GPC5: variants seen among roughly 807,000 people sequenced by gnomAD.
GPC5 encodes the protein glypican 5.
GPC5 carries 47 observed loss-of-function variants against 53.9 expected under a neutral mutation model. The observed-to-expected ratio is 0.87, with a 90% CI of 0.69 to 1.11. The LOEUF (loss-of-function observed/expected upper bound fraction) is 1.11. Ranked by LOEUF, GPC5 falls within the 50% of genes most tolerant of loss-of-function variation. The pLI is 0.00. For missense variants in GPC5, 748 were observed against 713.1 expected (o/e 1.05, Z -0.56); for synonymous variants, 286 against 263.3 (o/e 1.09, Z -0.84).
intron 2 of GPC5, among the ~76,000 whole-genome samples, chr13:91,581,231 T>G (rs1443026197): frequency 6.6e-6 from 1 of 152,194 alleles, no homozygotes; most frequent in African/African-American, 2.4e-5. Flanking sequence ...CAGTTTTTAC[T>G]ATGTAGTATA....
At chr13:92,143,559 C>T (rs1162984517) in intron 6 of GPC5, among the ~76,000 whole-genome samples, 1 of 152,018 alleles carries the variant, frequency 6.6e-6, no homozygotes, top group Non-Finnish European at 1.5e-5. Flanking sequence ...TTTAATGCCA[C>T]CTATTGACTT....
intron 5 of GPC5, among the ~76,000 whole-genome samples, chr13:91,886,538 C>T (rs1042040060): frequency 1.3e-5 from 2 of 152,186 alleles, no homozygotes; most frequent in South Asian, 2.1e-4. Flanking sequence ...TCCAAAGTCT[C>T]ATCTGAGACA....
intron 2 of GPC5, among the ~76,000 whole-genome samples, chr13:91,500,036 T>C (rs1030760403): frequency 6.6e-6 from 1 of 152,198 alleles, no homozygotes; most frequent in Admixed American, 6.5e-5. Context: ...AGGTATCCCC[T>C]TGGACCATGC....
chr13:91,657,990 C>T (rs1423449229), intron 2 of GPC5, among the ~76,000 whole-genome samples: 1 of 152,088 alleles, frequency 6.6e-6, no homozygotes, highest in Non-Finnish European at 1.5e-5. Context: ...TGAAATTGAG[C>T]AGTGCATTAT....
intron 7 of GPC5, among the ~76,000 whole-genome samples, chr13:92,597,724 G>A (rs1412805107): frequency 6.6e-6 from 1 of 152,166 alleles, no homozygotes; most frequent in Non-Finnish European, 1.5e-5. Context: ...GGGGTCAAAA[G>A]AAGACAGAGA....
chr13:92,139,438 C>T lies in GPC5; in HGVS notation c.1402-5392C>T, dbSNP rs542997136. On this transcript the variant is annotated intron_variant, in intron 6 of 7. Coordinates refer to ENST00000377067, the MANE Select transcript of GPC5 (RefSeq NM_004466.6). ...ATCCCAGCACTTTGGGAGGCCGAGG[C>T]GGGTGGATCATGAGGTCAGGAGATC... Among the ~76,000 whole-genome samples, 297 of 152,106 alleles carry T rather than the reference C, an allele frequency of 2.0e-3. 2 individuals carry two copies. Among genetic ancestry groups the T allele is most frequent in the South Asian group, 0.014 (66 of 4,818 alleles).
intron 7 of GPC5, among the ~76,000 whole-genome samples, chr13:92,752,284 T>C (rs942189511): frequency 6.6e-6 from 1 of 152,152 alleles, no homozygotes; most frequent in Non-Finnish European, 1.5e-5. Flanking sequence ...ATCCAAAGTA[T>C]CTCCAGACAT....
At chr13:91,450,445 TA>T (rs1881103038) in intron 2 of GPC5, among the ~76,000 whole-genome samples, 1 of 151,796 alleles carries the variant, frequency 6.6e-6, no homozygotes, top group South Asian at 2.1e-4. Flanking sequence ...GTCATATGCT[TA>T]AAAAGGTGGA....
intron 7 of GPC5, among the ~76,000 whole-genome samples, chr13:92,248,492 G>A (rs1334455883): frequency 2.6e-5 from 4 of 152,080 alleles, no homozygotes; most frequent in African/African-American, 4.8e-5. Context: ...AGCCTCCAGC[G>A]TCTCAGTTTT....
intron 7 of GPC5, among the ~76,000 whole-genome samples, chr13:92,737,444 C>T (rs1377474448): frequency 2.0e-5 from 3 of 151,980 alleles, no homozygotes. Flanking sequence ...TCATTTGATC[C>T]CTTCATGTAA....
intron 5 of GPC5, among the ~76,000 whole-genome samples, chr13:91,803,113 A>T (rs999658401): frequency 1.3e-4 from 20 of 152,272 alleles, no homozygotes; most frequent in East Asian, 3.9e-4. Flanking sequence ...AACTTTTAGT[A>T]ATTATGATGG....
intron 3 of GPC5, among the ~76,000 whole-genome samples, chr13:91,694,475 T>G (rs1432531810): frequency 5.3e-5 from 8 of 152,230 alleles, no homozygotes; most frequent in Admixed American, 4.6e-4. Flanking sequence ...TAAAATGTAG[T>G]GTATACACGG....
chr13:92,398,122 A>T (rs1189833654), intron 7 of GPC5, among the ~76,000 whole-genome samples: 1 of 152,180 alleles, frequency 6.6e-6, no homozygotes, highest in Non-Finnish European at 1.5e-5. Context: ...AATCAGAAAA[A>T]GTTAAAAACA....
chr13:91,829,400 A>G (rs2038621697), intron 5 of GPC5, among the ~76,000 whole-genome samples: 1 of 152,102 alleles, frequency 6.6e-6, no homozygotes. Flanking sequence ...TGTACTGGGA[A>G]AAACTATGGA....
chr13:91,746,014 G>C (rs1260720298), intron 4 of GPC5, among the ~76,000 whole-genome samples: 1 of 152,168 alleles, frequency 6.6e-6, no homozygotes, highest in Non-Finnish European at 1.5e-5. Context: ...TTGTCAAATA[G>C]AATGACAGGT....
chr13:91,493,879 AT>A (rs200276764), intron 2 of GPC5, among the ~76,000 whole-genome samples: 2 of 150,338 alleles, frequency 1.3e-5, no homozygotes, highest in Admixed American at 6.6e-5. Context: ...GCTGCATTCT[AT>A]TTTTTTTTAT....
intron 7 of GPC5, among the ~76,000 whole-genome samples, chr13:92,652,669 T>G (rs2139168623): frequency 6.6e-6 from 1 of 152,304 alleles, no homozygotes; most frequent in South Asian, 2.1e-4. Flanking sequence ...AGTATCCTTC[T>G]TGCTAATTTC....
At chr13:92,668,428 CCTT>C (rs1318579534) in intron 7 of GPC5, among the ~76,000 whole-genome samples, 2 of 152,102 alleles carry the variant, frequency 1.3e-5, no homozygotes, top group Non-Finnish European at 2.9e-5. Context: ...AGAAGCCAAA[CCTT>C]CTCACTATTC....
intron 5 of GPC5, among the ~76,000 whole-genome samples, chr13:91,855,674 T>C (rs1457007581): frequency 6.6e-6 from 1 of 151,622 alleles, no homozygotes; most frequent in Non-Finnish European, 1.5e-5. Flanking sequence ...ATGATATATG[T>C]CTCAAGTTTC....
Sources: allele counts gnomAD v4.1 joint callset (sites outside exome capture counted in the v4.1 genomes callset), GRCh38; gene constraint gnomAD v4.1.1; transcripts MANE v1.5; gene names NCBI Gene and HGNC (gene_info 2026-07-23, HGNC 2026-07-21).